GTF2E2: variants seen among roughly 807,000 people sequenced by gnomAD.
GTF2E2 encodes general transcription factor IIE subunit 2, also known as transcription initiation factor IIE subunit beta.
GTF2E2 carries 21 observed loss-of-function variants against 40.5 expected under a neutral mutation model. That is an observed-to-expected ratio of 0.52 (90% CI 0.37 to 0.75). The LOEUF is 0.75. GTF2E2 is among the 30% of genes least tolerant of loss of function. GTF2E2 has a pLI of 0.00. For missense variants in GTF2E2, 298 were observed against 338.4 expected (o/e 0.88, Z 0.94); for synonymous variants, 117 against 121.6 (o/e 0.96, Z 0.25).
intron 5 of GTF2E2, among the ~76,000 whole-genome samples, chr8:30,609,319 T>C (rs922549325): frequency 2.1e-5 from 3 of 140,062 alleles, no homozygotes; most frequent in South Asian, 2.4e-4. Context: ...CTGGAGCATT[T>C]TGGATTTCAG....
intron 3 of GTF2E2, among the ~76,000 whole-genome samples, chr8:30,623,995 T>C (rs1801191404): frequency 6.6e-6 from 1 of 152,152 alleles, no homozygotes; most frequent in African/African-American, 2.4e-5. Context: ...TCTTTTGCTG[T>C]GCAGAAGCCC....
intron 2 of GTF2E2, chr8:30,643,389 T>A (rs1305987876): frequency 6.6e-6 from 1 of 152,422 alleles, no homozygotes; most frequent in East Asian, 1.9e-4. Context: ...CCAGGCGCAG[T>A]GGCTCACGCC....
chr8:30,613,582 A>C (rs1291725352), intron 4 of GTF2E2, among the ~76,000 whole-genome samples: 1 of 152,246 alleles, frequency 6.6e-6, no homozygotes, highest in Non-Finnish European at 1.5e-5. Context: ...GTAGTCTATG[A>C]ATTCTCAAGG....
At chr8:30,589,444 TC>T in intron 6 of GTF2E2, among the ~76,000 whole-genome samples, 1 of 152,256 alleles carries the variant, frequency 6.6e-6, no homozygotes, top group East Asian at 1.9e-4. Context: ...ATGCCTGTAG[TC>T]CCAGCTAAGA....
At chr8:30,633,277 C>G (rs1179570088) in intron 3 of GTF2E2, among the ~76,000 whole-genome samples, 1 of 151,732 alleles carries the variant, frequency 6.6e-6, no homozygotes, top group Non-Finnish European at 1.5e-5. Flanking sequence ...GGATAAAATT[C>G]AAAGGGAGTA....
intron 6 of GTF2E2, among the ~76,000 whole-genome samples, chr8:30,605,375 A>G (rs1446745022): frequency 6.6e-6 from 1 of 152,222 alleles, no homozygotes. Flanking sequence ...AAAAATCAAG[A>G]AACAATAGCA....
chr8:30,655,132 G>A (rs1385305092), intron 1 of GTF2E2, among the ~76,000 whole-genome samples: 1 of 151,882 alleles, frequency 6.6e-6, no homozygotes, highest in Non-Finnish European at 1.5e-5. Context: ...GTCCAGCAGA[G>A]GTTGCAGTAA....
At chr8:30,641,736 G>C (rs544269553) in intron 2 of GTF2E2, among the ~76,000 whole-genome samples, 24 of 152,344 alleles carry the variant, frequency 1.6e-4, no homozygotes, top group South Asian at 1.2e-3. Flanking sequence ...AATTAGCTGG[G>C]TGTGACTGTA....
chr8:30,657,532 A>C (rs1802484300), intron 1 of GTF2E2: 1 of 152,328 alleles, frequency 6.6e-6, no homozygotes, highest in Middle Eastern at 3.4e-3. Flanking sequence ...TTTAGACTGC[A>C]GAAATCAACT....
chr8:30,633,558 T>C (rs1386840966), intron 3 of GTF2E2, among the ~76,000 whole-genome samples: 1 of 152,206 alleles, frequency 6.6e-6, no homozygotes, highest in African/African-American at 2.4e-5. Context: ...TTTTTCAAAC[T>C]GTAGGGAGCA....
chr8:30,580,452 T>C (rs1585928297), intron 6 of GTF2E2, 56 bp from the exon 7 acceptor site: 2 of 972,454 alleles, frequency 2.1e-6, no homozygotes, highest in Non-Finnish European at 3.3e-6. Flanking sequence ...CTATAGCATC[T>C]TGATCAAAAT....
At chr8:30,612,836 T>G (rs1419573673) in intron 4 of GTF2E2, among the ~76,000 whole-genome samples, 1 of 152,212 alleles carries the variant, frequency 6.6e-6, no homozygotes, top group Non-Finnish European at 1.5e-5. Context: ...CGTGAGCCAC[T>G]GTGCCCAGCC....
chr8:30,620,239 A>AACACAAACACAC (rs61566167), intron 3 of GTF2E2, among the ~76,000 whole-genome samples: 2,464 of 150,488 alleles, frequency 0.016, 38 homozygotes, highest in Non-Finnish European at 0.025. Context: ...CACACACACA[A>AACACAAACACAC]ACACACACAC....
chr8:30,614,542 T>C (rs1214400463), intron 4 of GTF2E2, 66 bp downstream of exon 4: 1 of 891,738 alleles, frequency 1.1e-6, no homozygotes, highest in Non-Finnish European at 1.8e-6. Flanking sequence ...AGCAAGACTC[T>C]GTCTTAAAAA....
chr8:30,602,374 T>G (rs1829206755), intron 6 of GTF2E2, among the ~76,000 whole-genome samples: 1 of 152,174 alleles, frequency 6.6e-6, no homozygotes, highest in South Asian at 2.1e-4. Flanking sequence ...TATATTTTCA[T>G]TCTTTACATT....
At chr8:30,637,801 A>AT (rs1392964933) in intron 2 of GTF2E2, among the ~76,000 whole-genome samples, 6 of 152,206 alleles carry the variant, frequency 3.9e-5, no homozygotes, top group Non-Finnish European at 8.8e-5. Flanking sequence ...GATTACAGGC[A>AT]TGGGCCACCG....
intron 6 of GTF2E2, among the ~76,000 whole-genome samples, chr8:30,601,881 C>T (rs1303129925): frequency 6.6e-6 from 1 of 152,192 alleles, no homozygotes; most frequent in Non-Finnish European, 1.5e-5. Flanking sequence ...ATCTAAGTTG[C>T]CAATACATCG....
intron 3 of GTF2E2, among the ~76,000 whole-genome samples, chr8:30,623,975 G>A (rs1369199304): frequency 2.0e-5 from 3 of 152,072 alleles, no homozygotes; most frequent in Non-Finnish European, 2.9e-5. Context: ...TGTTCACTCA[G>A]ATGGTAGTTT....
rs552578395 is a variant in GTF2E2, at chr8:30,631,787, G to A, written c.258+3245C>T. ...CTGAGATCAGAGATCAGAAGATGCAGGAACACACATTTAAAAAGGAGTAAC... is the reference window on the plus strand; with the variant it reads ...CTGAGATCAGAGATCAGAAGATGCAAGAACACACATTTAAAAAGGAGTAAC... On this transcript the variant is annotated intron_variant, in intron 3 of 7. Coordinates refer to ENST00000355904, the MANE Select transcript of GTF2E2 (RefSeq NM_002095.6). Among the ~76,000 whole-genome samples, 10 of 152,186 alleles carry A rather than the reference G, an allele frequency of 6.6e-5. 2 individuals carry two copies. The highest frequency in any genetic ancestry group is 2.4e-4 in the African/African-American group (10 of 41,524).
Sources: gnomAD v4.1 joint callset for allele counts (sites outside exome capture counted in the v4.1 genomes callset) on GRCh38, gnomAD v4.1.1 for gene constraint, MANE v1.5 for transcripts, NCBI Gene and HGNC (gene_info 2026-07-23, HGNC 2026-07-21) for gene names.